PTPRC: variants seen among roughly 807,000 people sequenced by gnomAD.
The protein encoded by PTPRC is protein tyrosine phosphatase receptor type C.
In PTPRC, 44 loss-of-function variants were observed where a neutral mutation model predicts 155.9. That is an observed-to-expected ratio of 0.28 (90% confidence interval 0.22 to 0.36). PTPRC has a LOEUF of 0.36. Ranked by LOEUF, PTPRC falls within the 10% of genes least tolerant of loss-of-function variation. The pLI is 1.00. For synonymous variants in PTPRC, 525 were observed against 533.1 expected (o/e 0.98, Z 0.21); for missense variants, 1,401 against 1,564.6 (o/e 0.90, Z 1.76).
intron 2 of PTPRC, among the ~76,000 whole-genome samples, chr1:198,642,908 CT>C (rs1662688297): frequency 3.7e-5 from 4 of 107,848 alleles, no homozygotes; most frequent in African/African-American, 1.2e-4. Context: ...TTCTTTCTTC[CT>C]TTCTTTCTTT....
At chr1:198,678,613 T>C (rs937152222) in intron 2 of PTPRC, among the ~76,000 whole-genome samples, 1 of 152,210 alleles carries the variant, frequency 6.6e-6, no homozygotes, top group Non-Finnish European at 1.5e-5. Flanking sequence ...GCATCTGAGA[T>C]GCACCGTGTT....
At chr1:198,671,369 C>T (rs1664636885) in intron 2 of PTPRC, among the ~76,000 whole-genome samples, 1 of 152,156 alleles carries the variant, frequency 6.6e-6, no homozygotes, top group African/African-American at 2.4e-5. Context: ...CCTGTCCTCC[C>T]CTAATTTTCA....
intron 2 of PTPRC, among the ~76,000 whole-genome samples, chr1:198,651,044 T>A (rs1663219686): frequency 6.6e-6 from 1 of 151,818 alleles, no homozygotes; most frequent in South Asian, 2.1e-4. Flanking sequence ...TTTATAATAT[T>A]TGGAAGAATT....
At chr1:198,698,640 A>C (rs574743110) in intron 4 of PTPRC, among the ~76,000 whole-genome samples, 2 of 152,124 alleles carry the variant, frequency 1.3e-5, no homozygotes, top group South Asian at 4.1e-4. Context: ...TTATTTTATA[A>C]AGATAGTTTA....
intron 2 of PTPRC, among the ~76,000 whole-genome samples, chr1:198,680,769 G>A (rs972111691): frequency 4.6e-5 from 7 of 152,130 alleles, no homozygotes; most frequent in African/African-American, 1.7e-4. Context: ...ACAGACCACA[G>A]ATAGGAGGAA....
chr1:198,753,290 C>T (rs573664922), intron 31 of PTPRC, among the ~76,000 whole-genome samples: 20 of 151,958 alleles, frequency 1.3e-4, no homozygotes, highest in African/African-American at 4.8e-4. Flanking sequence ...GAACCAAAGG[C>T]AAAGATTGTG....
Position 198,756,454 on chromosome 1 carries a change from G to A in PTPRC, c.*273G>A, listed in dbSNP as rs1043734806. On this transcript the variant is annotated 3_prime_UTR_variant, in exon 33 of 33. Transcript: ENST00000442510. The stretch of plus-strand genomic sequence containing the variant: ...TATGTGTGTATATGTATGTGTGTAT[G>A]GGTGTGTGTTTGTGTGAGAGACAGA... The A allele has an allele frequency of 5.7e-6, 2 of 352,822 alleles. No homozygotes were observed. Among genetic ancestry groups the A allele is most frequent in the South Asian group, 4.1e-5 (1 of 24,258 alleles). The allele number at this position is 352,822 out of a possible 1,614,324, so 21.9% of individuals were successfully genotyped here. A position where few individuals can be genotyped will look rare whatever the true frequency, so the allele number is the denominator to read the frequency against.
At chr1:198,705,722 A>C (rs1652923475) in intron 8 of PTPRC, among the ~76,000 whole-genome samples, 1 of 152,042 alleles carries the variant, frequency 6.6e-6, no homozygotes, top group African/African-American at 2.4e-5. Flanking sequence ...CGCCTGGCCC[A>C]CTTACAGATT....
At chr1:198,654,094 C>T (rs936187020) in intron 2 of PTPRC, among the ~76,000 whole-genome samples, 1 of 151,770 alleles carries the variant, frequency 6.6e-6, no homozygotes. Flanking sequence ...TATTTTAACA[C>T]ACTGTGAATT....
At chr1:198,751,317 T>C (rs574789540) in intron 29 of PTPRC, among the ~76,000 whole-genome samples, 1 of 152,170 alleles carries the variant, frequency 6.6e-6, no homozygotes, top group African/African-American at 2.4e-5. Flanking sequence ...CTTTTCTTAA[T>C]GTCTTCAGTT....
rs759505457 is a variant in PTPRC, at chr1:198,696,892, G to C, written c.281G>C (p.Ser94Thr). 1 of 1,613,626 alleles carries C rather than the reference G, an allele frequency of 6.2e-7. No homozygotes were observed. Among genetic ancestry groups the C allele is most frequent in the Non-Finnish European group, 8.5e-7 (1 of 1,179,660 alleles). Residue 94 changes from serine to threonine, a missense_variant, in exon 4 of 33, where the codon AGT becomes ACT. Ser to Thr is a moderately conservative substitution (Grantham distance 58, BLOSUM62 1). Transcript: ENST00000442510. Reference protein sequence around the residue: ...QVSPDSLDNASAFNTTGVSSV... With the variant: ...QVSPDSLDNATAFNTTGVSSV... ...TCCCCGGACTCTTTGGATAATGCTA[G>C]TGCTTTTAATACCACAGGTTGGCAC...
intron 2 of PTPRC, among the ~76,000 whole-genome samples, chr1:198,664,881 G>T (rs1439230473): frequency 6.6e-6 from 1 of 151,944 alleles, no homozygotes; most frequent in Non-Finnish European, 1.5e-5. Flanking sequence ...CTTTCTTTTT[G>T]ACTTTGTGAT....
chr1:198,696,765 A>T lies in PTPRC; in HGVS notation c.154A>T (p.Thr52Ser). The T allele has an allele frequency of 6.2e-7, 1 of 1,613,972 alleles. No individual in the cohort carries two copies. The highest frequency in any genetic ancestry group is 1.7e-5 in the Admixed American group (1 of 60,004). Residue 52 changes from threonine to serine, a missense_variant, in exon 4 of 33, where the codon ACT becomes TCT. By Grantham distance (58) the Thr-to-Ser change is moderately conservative. Coordinates refer to ENST00000442510, the MANE Select transcript of PTPRC (RefSeq NM_002838.5). ...SVPLSSDPLP[T>S]HTTAFSPAST... is the part of the protein sequence containing the mutation. ...TCCACTTTCAAGTGACCCCTTACCT[A>T]CTCACACCACTGCATTCTCACCCGC...
chr1:198,745,517 T>G (rs1008351795), intron 26 of PTPRC, among the ~76,000 whole-genome samples: 5 of 151,780 alleles, frequency 3.3e-5, no homozygotes, highest in Non-Finnish European at 5.9e-5. Flanking sequence ...GCTCAATGCT[T>G]GAAGGGTATA....
chr1:198,674,954 A>G (rs566129626), intron 2 of PTPRC, among the ~76,000 whole-genome samples: 14 of 152,276 alleles, frequency 9.2e-5, no homozygotes, highest in African/African-American at 3.4e-4. Context: ...TTCCTGCTAC[A>G]GCATCCAATC....
At chr1:198,650,121 T>C (rs1663166179) in intron 2 of PTPRC, among the ~76,000 whole-genome samples, 2 of 151,792 alleles carry the variant, frequency 1.3e-5, no homozygotes, top group African/African-American at 4.8e-5. Flanking sequence ...AGGTCAGGCA[T>C]CTGTAGTATG....
chr1:198,752,128 C>G, intron 29 of PTPRC, 121 bp from the exon 30 acceptor site: 1 of 1,189,118 alleles, frequency 8.4e-7, no homozygotes, highest in Non-Finnish European at 1.2e-6. Context: ...TTTTAGAACA[C>G]AATAATTTTC....
At chr1:198,707,871 G>T (rs1653077186) in intron 9 of PTPRC, among the ~76,000 whole-genome samples, 1 of 152,172 alleles carries the variant, frequency 6.6e-6, no homozygotes, top group Non-Finnish European at 1.5e-5. Context: ...CAATATGTTT[G>T]CTTGCATTTC....
intron 2 of PTPRC, among the ~76,000 whole-genome samples, chr1:198,670,199 A>C (rs1664564735): frequency 6.6e-6 from 1 of 152,282 alleles, no homozygotes; most frequent in Non-Finnish European, 1.5e-5. Context: ...GTCCTTAAGT[A>C]CTGAATATAA....
Sources: allele counts gnomAD v4.1 joint callset (sites outside exome capture counted in the v4.1 genomes callset), GRCh38; gene constraint gnomAD v4.1.1; transcripts MANE v1.5; gene names NCBI Gene and HGNC (gene_info 2026-07-23, HGNC 2026-07-21).